LRRC37A2: variants seen among roughly 807,000 people sequenced by gnomAD.
The protein encoded by LRRC37A2 is leucine rich repeat containing 37 member A2, also known as leucine-rich repeat-containing protein 37A2.
Under a neutral mutation model 68.8 loss-of-function variants are expected in LRRC37A2, and 9 were observed. That is an observed-to-expected ratio of 0.13 (90% confidence interval 0.08 to 0.23). The LOEUF is 0.23. Ranked by LOEUF, LRRC37A2 falls within the 10% of genes least tolerant of loss-of-function variation. The pLI, the probability that LRRC37A2 is intolerant of heterozygous loss-of-function variation, is 1.00. For synonymous variants in LRRC37A2, 63 were observed against 367.6 expected (o/e 0.17, Z 9.48); for missense variants, 168 against 950.4 (o/e 0.18, Z 10.82).
chr17:46,907,236 C>G, the LRRC37A2 span, among the ~76,000 whole-genome samples: 1 of 152,244 alleles, frequency 6.6e-6, no homozygotes, highest in Admixed American at 6.5e-5. Flanking sequence ...CTATGAGCCA[C>G]TGCCAAGGCT....
chr17:47,018,494 C>A, the LRRC37A2 span: 10 of 1,524,090 alleles, frequency 6.6e-6, no homozygotes, highest in Non-Finnish European at 8.2e-6. Context: ...ATTCTTTAGT[C>A]CACCAGCAGG....
chr17:46,830,145 C>A, the LRRC37A2 span, among the ~76,000 whole-genome samples: 1 of 152,106 alleles, frequency 6.6e-6, no homozygotes, highest in East Asian at 1.9e-4. Context: ...AGCCTTCCTC[C>A]CCTCATCCTC....
At chr17:46,558,122 C>T (rs1160551366), downstream of LRRC37A2, among the ~76,000 whole-genome samples, 5 of 129,106 alleles carry the variant, frequency 3.9e-5, no homozygotes, top group Non-Finnish European at 6.5e-5. Context: ...TGCAATGGCA[C>T]GATCTCAGCT....
At chr17:46,939,810 CTAAT>C in the LRRC37A2 span, 1 of 988,158 alleles carries the variant, frequency 1.0e-6, no homozygotes, top group African/African-American at 1.7e-5. Context: ...TCAGGCTGTA[CTAAT>C]ACCAGGTATA....
the LRRC37A2 span, among the ~76,000 whole-genome samples, chr17:46,813,089 A>G: frequency 3.3e-5 from 5 of 152,058 alleles, no homozygotes; most frequent in Non-Finnish European, 7.4e-5. Flanking sequence ...TTGGCTTGGC[A>G]GGAGTGGGGC....
chr17:47,027,600 T>C, the LRRC37A2 span: 19 of 1,344,470 alleles, frequency 1.4e-5, no homozygotes, highest in South Asian at 2.1e-4. Context: ...AAGACATACA[T>C]TTGAACCACT....
the LRRC37A2 span, among the ~76,000 whole-genome samples, chr17:46,857,019 A>G: frequency 5.9e-5 from 9 of 152,208 alleles, no homozygotes; most frequent in African/African-American, 1.2e-4. Flanking sequence ...TTGTGAGTAT[A>G]TAGCCTCTTT....
chr17:46,867,592 G>A, the LRRC37A2 span, among the ~76,000 whole-genome samples: 4 of 152,232 alleles, frequency 2.6e-5, no homozygotes, highest in Non-Finnish European at 4.4e-5. Flanking sequence ...CCTGCTGACG[G>A]TGGACAGAGC....
At chr17:47,009,291 A>G in the LRRC37A2 span, among the ~76,000 whole-genome samples, 4 of 152,208 alleles carry the variant, frequency 2.6e-5, no homozygotes, top group East Asian at 3.8e-4. Flanking sequence ...ACACCCTGTT[A>G]GTTTAATTTA....
At chr17:46,824,793 C>T in the LRRC37A2 span, among the ~76,000 whole-genome samples, 1 of 152,226 alleles carries the variant, frequency 6.6e-6, no homozygotes, top group East Asian at 1.9e-4. Flanking sequence ...CCTGTGGCCC[C>T]TCAGGGTCCT....
the LRRC37A2 span, chr17:46,875,026 A>C: frequency 6.2e-7 from 1 of 1,610,558 alleles, no homozygotes; most frequent in African/African-American, 1.3e-5. Context: ...AGAGGGCGGC[A>C]GGCAACCTCT....
chr17:46,900,234 T>TAC, the LRRC37A2 span, among the ~76,000 whole-genome samples: 20 of 120,326 alleles, frequency 1.7e-4, no homozygotes, highest in African/African-American at 7.9e-4. Flanking sequence ...TATATATATA[T>TAC]ACACACATAT....
the LRRC37A2 span, among the ~76,000 whole-genome samples, chr17:46,794,238 C>T: frequency 2.0e-5 from 3 of 151,982 alleles, no homozygotes; most frequent in Non-Finnish European, 4.4e-5. Context: ...ATTTCTGGGA[C>T]ATTGATGTCA....
chr17:46,754,330 T>TA, the LRRC37A2 span, among the ~76,000 whole-genome samples: 265 of 146,162 alleles, frequency 1.8e-3, no homozygotes, highest in African/African-American at 4.4e-3. Flanking sequence ...GAAGAAATCT[T>TA]AAAAAAAAAA....
the LRRC37A2 span, among the ~76,000 whole-genome samples, chr17:46,816,300 T>G: frequency 6.6e-6 from 1 of 152,132 alleles, no homozygotes; most frequent in African/African-American, 2.4e-5. Flanking sequence ...ACCAGCCACT[T>G]GCTCACACTC....
chr17:46,887,046 G>C, the LRRC37A2 span, among the ~76,000 whole-genome samples: 2 of 152,082 alleles, frequency 1.3e-5, no homozygotes, highest in Non-Finnish European at 2.9e-5. Context: ...CGAACTCCTG[G>C]GCTCAAGCAA....
chr17:46,778,121 G>C, the LRRC37A2 span, among the ~76,000 whole-genome samples: 10 of 152,212 alleles, frequency 6.6e-5, no homozygotes, highest in African/African-American at 1.9e-4. Flanking sequence ...TATGGTTACG[G>C]TGTGTGTGGA....
chr17:46,894,691 C>A, the LRRC37A2 span, among the ~76,000 whole-genome samples: 2 of 152,210 alleles, frequency 1.3e-5, no homozygotes, highest in Admixed American at 6.5e-5. Context: ...AGCCGGCCCC[C>A]CTCCTGTGGA....
chr17:46,771,047 G>A, the LRRC37A2 span, among the ~76,000 whole-genome samples: 1 of 152,196 alleles, frequency 6.6e-6, no homozygotes, highest in African/African-American at 2.4e-5. Flanking sequence ...TAGAAGCCAG[G>A]CGCCCGCCTC....
Sources: allele counts gnomAD v4.1 joint callset (sites outside exome capture counted in the v4.1 genomes callset), GRCh38; gene constraint gnomAD v4.1.1; transcripts MANE v1.5; gene names NCBI Gene and HGNC (gene_info 2026-07-23, HGNC 2026-07-21).